The following OXR1 variants were observed in gnomAD, a reference collection of about 807,000 sequenced individuals.
The protein encoded by OXR1 is oxidation resistance protein 1.
In OXR1, 41 loss-of-function variants were observed where a neutral mutation model predicts 104.6. The ratio of observed to expected loss-of-function variants is 0.39; its 90% CI spans 0.31 to 0.51. The LOEUF is 0.51. Among genes scored for constraint, OXR1 ranks in the 20% least tolerant of loss-of-function variants. The pLI is 0.77. For synonymous variants in OXR1, 348 were observed against 348.4 expected, an observed-to-expected ratio of 1.00 and a Z score of 0.01; for missense variants, 955 against 1,031.9, an observed-to-expected ratio of 0.93 and a Z score of 1.02.
At chr8:106,692,469 T>G (rs1357100423) in intron 6 of OXR1, among the ~76,000 whole-genome samples, 1 of 152,092 alleles carries the variant, frequency 6.6e-6, no homozygotes, top group Non-Finnish European at 1.5e-5. Context: ...TTTTTTAAAT[T>G]TATAGATATG....
intron 2 of OXR1, among the ~76,000 whole-genome samples, chr8:106,510,508 G>C (rs571453683): frequency 6.6e-6 from 1 of 152,134 alleles, no homozygotes; most frequent in Non-Finnish European, 1.5e-5. Context: ...AAATGCTAAC[G>C]TTTTATGTTA....
At chr8:106,602,064 G>A (rs1397193780) in intron 3 of OXR1, among the ~76,000 whole-genome samples, 2 of 152,134 alleles carry the variant, frequency 1.3e-5, no homozygotes. Context: ...GTGTTATGAC[G>A]CCCAGTGATC....
intron 2 of OXR1, among the ~76,000 whole-genome samples, chr8:106,392,335 C>T (rs889721676): frequency 6.6e-6 from 1 of 152,134 alleles, no homozygotes; most frequent in Non-Finnish European, 1.5e-5. Context: ...GATTCATGAG[C>T]TCAGTTTTGG....
At chr8:106,270,540 G>A (rs897502646) in intron 1 of OXR1, among the ~76,000 whole-genome samples, 173 bp downstream of exon 1, 1 of 152,214 alleles carries the variant, frequency 6.6e-6, no homozygotes, top group Admixed American at 6.5e-5. Context: ...CCATTGGGAT[G>A]CTCGAGCGGG....
intron 2 of OXR1, among the ~76,000 whole-genome samples, chr8:106,375,702 A>T (rs1396397813): frequency 1.3e-5 from 2 of 152,232 alleles, no homozygotes; most frequent in African/African-American, 4.8e-5. Flanking sequence ...TAGTGCTTTC[A>T]GTCTGACTCC....
chr8:106,276,190 A>G (rs1359670513), intron 1 of OXR1, among the ~76,000 whole-genome samples: 1 of 152,198 alleles, frequency 6.6e-6, no homozygotes, highest in Non-Finnish European at 1.5e-5. Context: ...GGGGCACAGT[A>G]ATAGGTGCAG....
chr8:106,365,390 G>A (rs1332840163), intron 2 of OXR1, among the ~76,000 whole-genome samples: 1 of 149,240 alleles, frequency 6.7e-6, no homozygotes, highest in Non-Finnish European at 1.5e-5. Flanking sequence ...AGTAACTCAA[G>A]TTTAGGGGAG....
intron 2 of OXR1, among the ~76,000 whole-genome samples, chr8:106,408,606 C>T (rs1387901878): frequency 6.6e-6 from 1 of 152,166 alleles, no homozygotes; most frequent in Admixed American, 6.5e-5. Context: ...TGGGCAGGTC[C>T]CTTTCTCTTC....
intron 2 of OXR1, among the ~76,000 whole-genome samples, chr8:106,474,167 T>C (rs1278958867): frequency 6.6e-6 from 1 of 151,046 alleles, no homozygotes; most frequent in East Asian, 2.0e-4. Context: ...GACATCCCCA[T>C]GTGACAGGGG....
intron 2 of OXR1, among the ~76,000 whole-genome samples, chr8:106,397,834 G>A (rs1817843036): frequency 6.6e-6 from 1 of 152,110 alleles, no homozygotes; most frequent in African/African-American, 2.4e-5. Context: ...AAGTACAACA[G>A]AGTGGCTTAA....
chr8:106,687,453 G>T (rs1210484161), intron 6 of OXR1, among the ~76,000 whole-genome samples: 4 of 152,074 alleles, frequency 2.6e-5, no homozygotes, highest in African/African-American at 9.7e-5. Context: ...GGGCATAGTG[G>T]CTCACGCTGG....
intron 1 of OXR1, among the ~76,000 whole-genome samples, chr8:106,278,373 T>C (rs1812144868): frequency 6.6e-6 from 1 of 152,156 alleles, no homozygotes. Flanking sequence ...TGTTCCTGGC[T>C]TACCTTACTA....
intron 3 of OXR1, among the ~76,000 whole-genome samples, chr8:106,546,131 C>T (rs186296611): frequency 6.6e-6 from 1 of 152,108 alleles, no homozygotes; most frequent in Admixed American, 6.5e-5. Flanking sequence ...TCATTCTACC[C>T]GAGAGTCTGT....
At chr8:106,372,408 T>G (rs75656526) in intron 2 of OXR1, among the ~76,000 whole-genome samples, 1 of 134,980 alleles carries the variant, frequency 7.4e-6, no homozygotes, top group Non-Finnish European at 1.5e-5. Context: ...GCTTATTATG[T>G]TTTTTTTTTT....
intron 2 of OXR1, among the ~76,000 whole-genome samples, chr8:106,486,843 A>C (rs1810690775): frequency 6.6e-6 from 1 of 152,010 alleles, no homozygotes; most frequent in Non-Finnish European, 1.5e-5. Context: ...TACTGAAATG[A>C]CAAGGTAGAT....
intron 2 of OXR1, among the ~76,000 whole-genome samples, chr8:106,478,263 C>T (rs1048206213): frequency 1.3e-5 from 2 of 151,648 alleles, no homozygotes; most frequent in Admixed American, 6.6e-5. Context: ...GTGTTTATAT[C>T]ATTATTTCAC....
chr8:106,293,491 G>A (rs951010189), intron 1 of OXR1, among the ~76,000 whole-genome samples: 1 of 152,144 alleles, frequency 6.6e-6, no homozygotes, highest in African/African-American at 2.4e-5. Context: ...ACATTACTTG[G>A]AACTGCACAC....
intron 1 of OXR1, among the ~76,000 whole-genome samples, chr8:106,284,767 G>C (rs540099148): frequency 3.3e-5 from 5 of 151,630 alleles, no homozygotes; most frequent in Non-Finnish European, 5.9e-5. Context: ...TGTTTGTAAA[G>C]TTTCCATTAT....
chr8:106,459,671 G>C (rs1820801446), intron 2 of OXR1, among the ~76,000 whole-genome samples: 1 of 152,148 alleles, frequency 6.6e-6, no homozygotes, highest in South Asian at 2.1e-4. Context: ...TCATTAGAAG[G>C]AAGGCAGTCC....
Sources: gnomAD v4.1 joint callset for allele counts (sites outside exome capture counted in the v4.1 genomes callset) on GRCh38, gnomAD v4.1.1 for gene constraint, MANE v1.5 for transcripts, NCBI Gene and HGNC (gene_info 2026-07-23, HGNC 2026-07-21) for gene names.